SPAG6: variants seen among roughly 807,000 people sequenced by gnomAD.
SPAG6 encodes sperm-associated antigen 6.
SPAG6 carries 49 observed loss-of-function variants against 58.5 expected under a neutral mutation model. The observed-to-expected ratio is 0.84, with a 90% CI of 0.67 to 1.06. The LOEUF is 1.06. SPAG6 is among the 50% of genes least tolerant of loss of function. The pLI is 0.00. For synonymous variants in SPAG6, 233 were observed against 225.6 expected (o/e 1.03, Z -0.29); for missense variants, 560 against 611.3 (o/e 0.92, Z 0.89).
At chr10:22,356,360 C>T (rs1031081776) in intron 2 of SPAG6, among the ~76,000 whole-genome samples, 4 of 152,160 alleles carry the variant, frequency 2.6e-5, no homozygotes, top group Non-Finnish European at 5.9e-5. Flanking sequence ...TTGTGCAGTA[C>T]GCATCCTGCA....
intron 9 of SPAG6, among the ~76,000 whole-genome samples, chr10:22,409,028 C>T (rs1026629671): frequency 6.6e-6 from 1 of 152,208 alleles, no homozygotes; most frequent in Non-Finnish European, 1.5e-5. Context: ...CACTGTCTGG[C>T]ACTCCCTAGT....
rs1837145154 is a variant in SPAG6 at position 22,364,759 on chromosome 10, C to T, written c.122-94C>T. ...ATAGTTTTATTTTTACTGATTTTTT[C>T]CCTTTAATTTTACTGTCTGCATATA... On this transcript the variant is annotated intron_variant, in intron 2 of 10. Coordinates refer to ENST00000376624, the MANE Select transcript of SPAG6 (RefSeq NM_012443.4). The T allele has an allele frequency of 4.8e-6, 4 of 837,746 alleles. No homozygotes were observed. In the African/African-American group the frequency reaches 5.2e-5, roughly 11 times the overall value. 51.9% of individuals were successfully genotyped at this position (837,746 alleles called of 1,614,324 possible).
At position 22,416,712 on chromosome 10, in the gene SPAG6, A is replaced by C; in HGVS notation, c.*24A>C. The C allele has an allele frequency of 7.1e-7, 1 of 1,410,894 alleles. No individual in the cohort carries two copies. 87.4% of individuals were successfully genotyped at this position (1,410,894 alleles called of 1,614,324 possible). On this transcript the variant is annotated 3_prime_UTR_variant, in exon 11 of 11. Coordinates refer to ENST00000376624, the MANE Select transcript of SPAG6 (RefSeq NM_012443.4). ...GAGCAAAGTTATATTGTGATACTCAAATTCACAGCAGAGTAGTTTTGAGTA... is the reference window on the plus strand; with the variant it reads ...GAGCAAAGTTATATTGTGATACTCACATTCACAGCAGAGTAGTTTTGAGTA...
At chr10:22,394,277 T>C (rs1459214066) in intron 8 of SPAG6, among the ~76,000 whole-genome samples, 1 of 151,054 alleles carries the variant, frequency 6.6e-6, no homozygotes, top group Admixed American at 6.6e-5. Flanking sequence ...CTACATGTTT[T>C]GAAAATATTC....
intron 9 of SPAG6, among the ~76,000 whole-genome samples, chr10:22,401,774 G>T (rs1189345493): frequency 6.6e-6 from 1 of 152,164 alleles, no homozygotes; most frequent in Non-Finnish European, 1.5e-5. Flanking sequence ...GATTGTTGCA[G>T]ATTAAATGAT....
At chr10:22,396,939 G>A (rs1366316358) in intron 8 of SPAG6, among the ~76,000 whole-genome samples, 1 of 152,082 alleles carries the variant, frequency 6.6e-6, no homozygotes. Flanking sequence ...ACTACTAAAT[G>A]CAATGACAAT....
chr10:22,379,093 TTG>T, intron 4 of SPAG6, among the ~76,000 whole-genome samples: 1 of 152,136 alleles, frequency 6.6e-6, no homozygotes. Flanking sequence ...AAAATGACAT[TTG>T]TGTGTGTGTG....
chr10:22,375,978 A>T (rs1412790861), intron 4 of SPAG6, among the ~76,000 whole-genome samples: 1 of 152,176 alleles, frequency 6.6e-6, no homozygotes, highest in African/African-American at 2.4e-5. Flanking sequence ...ATCTCACACT[A>T]CAGTGTTCGC....
At chr10:22,355,777 A>G (rs1836848516) in intron 2 of SPAG6, among the ~76,000 whole-genome samples, 1 of 152,244 alleles carries the variant, frequency 6.6e-6, no homozygotes, top group Middle Eastern at 3.2e-3. Flanking sequence ...GGCCAGAGGT[A>G]TATAATCAAT....
chr10:22,381,199 G>T (rs927589776), intron 4 of SPAG6, among the ~76,000 whole-genome samples: 1 of 151,904 alleles, frequency 6.6e-6, no homozygotes, highest in African/African-American at 2.4e-5. Flanking sequence ...TACCCAGAAA[G>T]CCCCCCACAG....
intron 2 of SPAG6, among the ~76,000 whole-genome samples, chr10:22,351,840 G>T (rs893093302): frequency 4.6e-5 from 7 of 152,020 alleles, no homozygotes; most frequent in African/African-American, 1.7e-4. Flanking sequence ...CATAAGGATG[G>T]CTCAACTTAA....
At chr10:22,414,928 A>T (rs2130655295) in intron 10 of SPAG6, among the ~76,000 whole-genome samples, 1 of 152,232 alleles carries the variant, frequency 6.6e-6, no homozygotes, top group South Asian at 2.1e-4. Context: ...CACCATGCCC[A>T]GCTAATTTTG....
rs139748966 is a variant in SPAG6 at position 22,413,916 on chromosome 10, C to T, written c.1461-2703C>T. 1.6e-3 allele frequency among the ~76,000 whole-genome samples: 245 copies of T among 152,158 alleles called. 8 individuals are homozygous for T. Among genetic ancestry groups the T allele is most frequent in the African/African-American group, 5.2e-3 (215 of 41,476 alleles). ...TTAGAATTAATTATCCTTTGTAAGA[C>T]AGTTTATCAACTGATACATTCATCT... is the stretch of plus-strand genomic sequence containing the variant. On this transcript the variant is annotated intron_variant, in intron 10 of 10. Transcript: ENST00000376624.
At chr10:22,362,778 G>A (rs1837081655) in intron 2 of SPAG6, among the ~76,000 whole-genome samples, 1 of 151,862 alleles carries the variant, frequency 6.6e-6, no homozygotes, top group Non-Finnish European at 1.5e-5. Context: ...CGACGATAAT[G>A]ACAATACAAT....
At chr10:22,354,394 G>C (rs943484962) in intron 2 of SPAG6, among the ~76,000 whole-genome samples, 2 of 152,168 alleles carry the variant, frequency 1.3e-5, no homozygotes, top group Non-Finnish European at 2.9e-5. Context: ...AGGATGCAAA[G>C]AGCAGAGAGA....
chr10:22,381,526 T>C (rs1833955660), intron 4 of SPAG6, among the ~76,000 whole-genome samples: 1 of 151,910 alleles, frequency 6.6e-6, no homozygotes, highest in South Asian at 2.1e-4. Flanking sequence ...TTTTTTTTTT[T>C]TTAAATGTCC....
intron 10 of SPAG6, among the ~76,000 whole-genome samples, chr10:22,416,324 T>A (rs998969933): frequency 6.6e-6 from 1 of 152,164 alleles, no homozygotes. Context: ...ATGAAGTCTC[T>A]GTAATAAAAT....
intron 2 of SPAG6, among the ~76,000 whole-genome samples, chr10:22,349,332 A>G (rs1836654492): frequency 1.3e-5 from 2 of 152,106 alleles, no homozygotes; most frequent in South Asian, 2.1e-4. Flanking sequence ...CAAATTCTAT[A>G]TGTTTGAACC....
At chr10:22,389,373 T>C (rs1834135854) in intron 7 of SPAG6, 61 bp downstream of exon 7, 14 of 1,526,754 alleles carry the variant, frequency 9.2e-6, no homozygotes, top group Non-Finnish European at 1.2e-5. Context: ...GAACCACAGA[T>C]TAATGTTCTC....
Sources: gnomAD v4.1 joint callset for allele counts (sites outside exome capture counted in the v4.1 genomes callset) on GRCh38, gnomAD v4.1.1 for gene constraint, MANE v1.5 for transcripts, NCBI Gene and HGNC (gene_info 2026-07-23, HGNC 2026-07-21) for gene names.